The following BUB1B variants were observed in gnomAD, a reference collection of about 807,000 sequenced individuals.
BUB1B encodes mitotic checkpoint serine/threonine-protein kinase BUB1 beta.
Under a neutral mutation model 137.7 loss-of-function variants are expected in BUB1B, and 86 were observed. The ratio of observed to expected loss-of-function variants is 0.62; its 90% CI spans 0.52 to 0.75. The LOEUF (loss-of-function observed/expected upper bound fraction) is 0.75, where lower values mean the gene tolerates loss of function less well. Ranked by LOEUF, BUB1B falls within the 30% of genes least tolerant of loss-of-function variation. The pLI, the probability that BUB1B is intolerant of heterozygous loss-of-function variation, is 0.00. For synonymous variants in BUB1B, 420 were observed against 417.9 expected (o/e 1.00, Z -0.06); for missense variants, 1,130 against 1,236.9 (o/e 0.91, Z 1.30).
intron 1 of BUB1B, among the ~76,000 whole-genome samples, chr15:40,164,297 T>C (rs1011072181): frequency 6.6e-6 from 1 of 150,496 alleles, no homozygotes; most frequent in Non-Finnish European, 1.5e-5. Context: ...GGTGTGATCA[T>C]GGCTCACTGC....
At position 40,208,696 on chromosome 15, in the gene BUB1B, C is replaced by T; in HGVS notation, c.2069C>T (p.Ala690Val). Residue 690 changes from alanine (A) to valine (V), a missense_variant, in exon 16 of 23, where the codon GCC becomes GTC. By Grantham distance (64) the Ala-to-Val change is moderately conservative (BLOSUM62 0). Coordinates refer to ENST00000287598, the MANE Select transcript of BUB1B (RefSeq NM_001211.6). ...TCCTCTGGCTTCTCTGGTTCTTCTG[C>T]CTCGGTTGCAAGCACCTCCTCCATC... ...THSSGFSGSSASVASTSSIKC... is the reference protein window; with the variant it reads ...THSSGFSGSSVSVASTSSIKC... 1.2e-6 allele frequency: 2 copies of T among 1,613,766 alleles called. No homozygotes were observed. Among genetic ancestry groups the T allele is most frequent in the Non-Finnish European group, 1.7e-6 (2 of 1,179,694 alleles).
Position 40,208,779 on chromosome 15 carries a change from T to C in BUB1B, c.2143+9T>C. 1 of 1,604,950 alleles carries C rather than the reference T, an allele frequency of 6.2e-7. No individual in the cohort carries two copies. The highest frequency in any genetic ancestry group is 8.5e-7 in the Non-Finnish European group (1 of 1,171,968). ...TACTAATGAGACTTCAGGTAGGATA[T>C]ACATACCACTATATCCATGCCTAGT... On this transcript the variant is annotated intron_variant, in intron 16 of 22. Transcript: ENST00000287598.
At chr15:40,209,289 C>T (rs1461893366) in intron 16 of BUB1B, among the ~76,000 whole-genome samples, 2 of 152,196 alleles carry the variant, frequency 1.3e-5, no homozygotes, top group African/African-American at 2.4e-5. Context: ...GGCATGGTGG[C>T]GGGTGTCTGT....
intron 1 of BUB1B, among the ~76,000 whole-genome samples, chr15:40,163,556 C>A (rs578075949): frequency 6.6e-6 from 1 of 152,180 alleles, no homozygotes; most frequent in African/African-American, 2.4e-5. Context: ...TTGAAATTTT[C>A]ACTCTCAAAC....
intron 5 of BUB1B, 61 bp from the exon 6 acceptor site, chr15:40,183,653 A>G (rs1405026498): frequency 9.1e-6 from 14 of 1,539,552 alleles, no homozygotes; most frequent in Admixed American, 1.7e-5. Context: ...ACAAATTGGA[A>G]ATTTTGAGTC....
chr15:40,179,164 TC>T (rs2037255546), intron 5 of BUB1B, among the ~76,000 whole-genome samples: 1 of 152,072 alleles, frequency 6.6e-6, no homozygotes, highest in African/African-American at 2.4e-5. Flanking sequence ...TTTTTTTTTT[TC>T]CAGGGAGGGA....
At chr15:40,179,973 T>C (rs1488349455) in intron 5 of BUB1B, among the ~76,000 whole-genome samples, 1 of 147,356 alleles carries the variant, frequency 6.8e-6, no homozygotes, top group Non-Finnish European at 1.5e-5. Flanking sequence ...AAGCCATATA[T>C]ATATATATAT....
At chr15:40,195,972 C>T (rs1031846529) in intron 8 of BUB1B, among the ~76,000 whole-genome samples, 3 of 152,208 alleles carry the variant, frequency 2.0e-5, no homozygotes, top group Non-Finnish European at 4.4e-5. Flanking sequence ...TGTGCAGAAG[C>T]TTTTTAGTTT....
chr15:40,200,623 G>A (rs2037555795), intron 11 of BUB1B, among the ~76,000 whole-genome samples: 1 of 152,140 alleles, frequency 6.6e-6, no homozygotes, highest in African/African-American at 2.4e-5. Flanking sequence ...ACTAAGAGAT[G>A]ATTACCATTA....
intron 8 of BUB1B, among the ~76,000 whole-genome samples, chr15:40,186,283 C>T (rs2140891505): frequency 6.6e-6 from 1 of 152,224 alleles, no homozygotes; most frequent in East Asian, 1.9e-4. Context: ...ATAGTTTTCC[C>T]TCTTATCCTG....
At chr15:40,166,000 G>C (rs930153083) in intron 2 of BUB1B, among the ~76,000 whole-genome samples, 24 of 152,028 alleles carry the variant, frequency 1.6e-4, no homozygotes, top group African/African-American at 5.6e-4. Flanking sequence ...TTACAGGCGT[G>C]CGCCGCCACG....
chr15:40,170,188 C>G (rs1292747549), intron 3 of BUB1B, 67 bp downstream of exon 3: 3 of 1,446,872 alleles, frequency 2.1e-6, no homozygotes, highest in Non-Finnish European at 2.9e-6. Flanking sequence ...CCATGTTTCT[C>G]AAATTGGGGT....
chr15:40,161,073 G>T lies in BUB1B; in HGVS notation c.-148G>T, dbSNP rs2037036645. 1 of 1,056,510 alleles carries T rather than the reference G, an allele frequency of 9.5e-7. No individual in the cohort carries two copies. Among genetic ancestry groups the T allele is most frequent in the African/African-American group, 1.6e-5 (1 of 62,270 alleles). The allele number at this position is 1,056,510 out of a possible 1,614,324, so 65.4% of individuals were successfully genotyped here. On this transcript the variant is annotated 5_prime_UTR_variant, in exon 1 of 23. Coordinates refer to ENST00000287598, the MANE Select transcript of BUB1B (RefSeq NM_001211.6). ...TGAAACTTGGCGGCTAGGGGTGTGG[G>T]CTTGAGGTGGCCGGTTTGTTAGGGA...
chr15:40,209,159 C>T (rs2037677437), intron 16 of BUB1B, among the ~76,000 whole-genome samples: 1 of 152,130 alleles, frequency 6.6e-6, no homozygotes, highest in Admixed American at 6.5e-5. Flanking sequence ...GTGGCTCACG[C>T]CTGTAATCCC....
Position 40,185,180 on chromosome 15 carries a change from G to C in BUB1B, c.767G>C (p.Arg256Thr). 6.2e-7 allele frequency: 1 copy of C among 1,613,936 alleles called. No individual in the cohort carries two copies. Among genetic ancestry groups the C allele is most frequent in the Non-Finnish European group, 8.5e-7 (1 of 1,179,910 alleles). Residue 256 changes from arginine to threonine, a missense_variant, in exon 7 of 23, where the codon AGA (arginine) becomes ACA (threonine). Arg to Thr is a moderately conservative substitution (Grantham distance 71). Transcript: ENST00000287598. Reference sequence around the variant, plus strand: ...TTGCTCCTAGCTCCAAGCCAGAACAGAGGACTCCAAAATCCATTTCCTCAA... The same window carrying C: ...TTGCTCCTAGCTCCAAGCCAGAACACAGGACTCCAAAATCCATTTCCTCAA... ...GGALKAPSQN[R>T]GLQNPFPQQM...
intron 5 of BUB1B, among the ~76,000 whole-genome samples, chr15:40,178,030 T>C (rs748314901): frequency 3.3e-5 from 3 of 89,850 alleles, no homozygotes; most frequent in Non-Finnish European, 9.4e-5. Flanking sequence ...TTTGGGTTCA[T>C]TTCATTGATT....
At chr15:40,177,653 A>G (rs77063365) in intron 5 of BUB1B, among the ~76,000 whole-genome samples, 149 of 152,206 alleles carry the variant, frequency 9.8e-4, no homozygotes, top group African/African-American at 3.5e-3. Context: ...TAGAAATCAG[A>G]TAAAATGAGT....
At chr15:40,199,095 A>C (rs1183086368) in intron 9 of BUB1B, among the ~76,000 whole-genome samples, 6 of 152,204 alleles carry the variant, frequency 3.9e-5, no homozygotes, top group Non-Finnish European at 8.8e-5. Context: ...TTAGCCTAGA[A>C]TCTTTCCCCA....
At chr15:40,171,026 C>T (rs1017455332) in intron 4 of BUB1B, among the ~76,000 whole-genome samples, 15 of 152,104 alleles carry the variant, frequency 9.9e-5, no homozygotes, top group African/African-American at 3.6e-4. Context: ...GTCTAAACCT[C>T]CTGGGCTCAA....
Sources: gnomAD v4.1 joint callset for allele counts (sites outside exome capture counted in the v4.1 genomes callset) on GRCh38, gnomAD v4.1.1 for gene constraint, MANE v1.5 for transcripts, NCBI Gene and HGNC (gene_info 2026-07-23, HGNC 2026-07-21) for gene names.